Variants in SETD2 observed in about 807,000 individuals in gnomAD.
The protein encoded by SETD2 is SET domain containing 2, histone lysine methyltransferase, also known as histone-lysine N-methyltransferase SETD2.
In SETD2, 31 loss-of-function variants were observed where a neutral mutation model predicts 242.1. The ratio of observed to expected loss-of-function variants is 0.13; its 90% CI spans 0.10 to 0.17. SETD2 has a LOEUF of 0.17. SETD2 is among the 10% of genes least tolerant of loss of function. The probability of loss-of-function intolerance (pLI) is 1.00; values close to 1 mark genes in which losing one functional copy is unlikely to be tolerated. For synonymous variants in SETD2, 1,006 were observed against 1,066.5 expected (o/e 0.94, Z 1.11); for missense variants, 2,481 against 3,046.3 (o/e 0.81, Z 4.37).
chr3:47,072,895 C>T (rs1333489478), intron 12 of SETD2, among the ~76,000 whole-genome samples: 1 of 146,080 alleles, frequency 6.8e-6, no homozygotes, highest in Non-Finnish European at 1.5e-5. Context: ...TGCAGTGAGC[C>T]GAGATCTTGC....
intron 12 of SETD2, among the ~76,000 whole-genome samples, chr3:47,073,150 C>CAA (rs10712927): frequency 7.7e-6 from 1 of 130,396 alleles, no homozygotes; most frequent in Admixed American, 7.7e-5. Context: ...CATTCCATCT[C>CAA]AAAAAAAAAA....
At chr3:47,058,367 G>C (rs928883223) in intron 14 of SETD2, among the ~76,000 whole-genome samples, 2 of 148,552 alleles carry the variant, frequency 1.3e-5, no homozygotes, top group Non-Finnish European at 3.0e-5. Flanking sequence ...CTTGAACCCA[G>C]GAGGCAGAGG....
chr3:47,027,336 CAAAAAAAA>C (rs145911577), intron 18 of SETD2, among the ~76,000 whole-genome samples: 1 of 103,738 alleles, frequency 9.6e-6, no homozygotes, highest in South Asian at 3.0e-4. Context: ...GACTCCATCT[CAAAAAAAA>C]AAAAAAAAAA....
chr3:47,162,173 A>C (rs1291096470), intron 1 of SETD2, among the ~76,000 whole-genome samples: 1 of 152,224 alleles, frequency 6.6e-6, no homozygotes, highest in Non-Finnish European at 1.5e-5. Context: ...GGACTTCACC[A>C]AACAACCTGG....
chr3:47,142,670 C>CT (rs376806677), intron 1 of SETD2, among the ~76,000 whole-genome samples: 2,706 of 139,630 alleles, frequency 0.019, 33 homozygotes, highest in Non-Finnish European at 0.028. Context: ...TATACATTGT[C>CT]TTTTTTTTTT....
At chr3:47,147,467 C>G (rs1013920350) in intron 1 of SETD2, among the ~76,000 whole-genome samples, 1 of 151,636 alleles carries the variant, frequency 6.6e-6, no homozygotes, top group Non-Finnish European at 1.5e-5. Flanking sequence ...GGACTACAGG[C>G]ATGCACCACC....
At chr3:47,114,105 T>C (rs2042762410) in intron 4 of SETD2, 101 bp from the exon 5 acceptor site, 1 of 1,211,352 alleles carries the variant, frequency 8.3e-7, no homozygotes, top group Middle Eastern at 2.0e-4. Context: ...TACATACTTT[T>C]ATGGTATAAT....
chr3:47,051,302 G>T (rs890205590), intron 15 of SETD2, among the ~76,000 whole-genome samples: 3 of 151,682 alleles, frequency 2.0e-5, no homozygotes, highest in African/African-American at 7.3e-5. Context: ...ATGAGGTTTC[G>T]CCATGTTAAC....
intron 5 of SETD2, among the ~76,000 whole-genome samples, chr3:47,108,269 A>T (rs999573962): frequency 6.6e-6 from 1 of 152,224 alleles, no homozygotes. Context: ...CACATAAAAA[A>T]TATTTCCAAT....
At chr3:47,145,038 T>A (rs140713448) in intron 1 of SETD2, among the ~76,000 whole-genome samples, 150 of 152,298 alleles carry the variant, frequency 9.8e-4, no homozygotes, top group African/African-American at 3.4e-3. Context: ...GTAGACAATA[T>A]TATATCCAAA....
At chr3:47,066,471 C>T (rs2040559715) in intron 13 of SETD2, among the ~76,000 whole-genome samples, 1 of 152,146 alleles carries the variant, frequency 6.6e-6, no homozygotes, top group Non-Finnish European at 1.5e-5. Flanking sequence ...CCTCAGCCTC[C>T]TGGTAATTAG....
Position 47,121,019 on chromosome 3 carries a change from G to A in SETD2, c.3617C>T (p.Ser1206Phe), listed in dbSNP as rs2107748685. The A allele has an allele frequency of 6.2e-7, 1 of 1,614,212 alleles. No homozygotes were observed. Among genetic ancestry groups the A allele is most frequent in the African/African-American group, 1.3e-5 (1 of 75,062 alleles). The change falls in exon 3 of 21, where the codon TCT (serine) becomes TTT (phenylalanine). Residue 1206 changes from serine to phenylalanine, a missense_variant. Ser to Phe is a radical substitution (Grantham distance 155). Around this residue, in one of 17 missense-constraint regions of SETD2, gnomAD observed 1,300 missense variants for 1,259.2 expected, o/e 1.03. Coordinates refer to ENST00000409792, the MANE Select transcript of SETD2 (RefSeq NM_014159.7). Reference sequence around the variant, plus strand: ...ATTTGGGACATCTTCAAAATCAGAAGAATAAATTGGCAGCTCTTCTTGCTG... The same window carrying A: ...ATTTGGGACATCTTCAAAATCAGAAAAATAAATTGGCAGCTCTTCTTGCTG... The part of the protein sequence containing the change: ...SRQQEELPIY[S>F]SDFEDVPNKS...
intron 8 of SETD2, among the ~76,000 whole-genome samples, chr3:47,099,737 G>A (rs996317148): frequency 6.6e-6 from 1 of 152,082 alleles, no homozygotes; most frequent in Non-Finnish European, 1.5e-5. Flanking sequence ...ACCCTCCTGA[G>A]TAGCTGGGAC....
At chr3:47,128,513 A>C (rs554025203) in intron 1 of SETD2, among the ~76,000 whole-genome samples, 1 of 152,324 alleles carries the variant, frequency 6.6e-6, no homozygotes, top group South Asian at 2.1e-4. Flanking sequence ...TTTTCCCCAA[A>C]TGTAGGCCTA....
chr3:47,049,708 T>G (rs1042789107), intron 15 of SETD2, among the ~76,000 whole-genome samples: 3 of 145,026 alleles, frequency 2.1e-5, no homozygotes, highest in Non-Finnish European at 4.6e-5. Context: ...ATATTATATA[T>G]TAAATATATA....
intron 17 of SETD2, among the ~76,000 whole-genome samples, chr3:47,041,891 A>G (rs2039297922): frequency 6.6e-6 from 1 of 152,222 alleles, no homozygotes; most frequent in Admixed American, 6.5e-5. Flanking sequence ...AAAAAAATTG[A>G]ACAGCAGAGT....
chr3:47,151,942 T>C (rs11712716), intron 1 of SETD2, among the ~76,000 whole-genome samples: 73,891 of 151,852 alleles, frequency 0.49, 19,461 homozygotes, highest in Non-Finnish European at 0.58. Flanking sequence ...AATACTATAA[T>C]TGGGGGAACA....
At chr3:47,115,876 C>A (rs569758259) in intron 4 of SETD2, among the ~76,000 whole-genome samples, 1 of 152,182 alleles carries the variant, frequency 6.6e-6, no homozygotes, top group African/African-American at 2.4e-5. Context: ...AAACTCCTGG[C>A]CTCAAGTGAT....
intron 1 of SETD2, among the ~76,000 whole-genome samples, chr3:47,132,392 C>CA (rs886872658): frequency 6.6e-6 from 1 of 152,096 alleles, no homozygotes; most frequent in Non-Finnish European, 1.5e-5. Context: ...GAGGCTGAGG[C>CA]AGGAGGATCC....
Sources: gnomAD v4.1 joint callset for allele counts (sites outside exome capture counted in the v4.1 genomes callset) on GRCh38, gnomAD v4.1.1 for gene constraint, gnomAD v4.1.1 regional missense constraint, MANE v1.5 for transcripts, NCBI Gene and HGNC (gene_info 2026-07-23, HGNC 2026-07-21) for gene names.